The following DNAJC9 variants were observed in gnomAD, a reference collection of about 807,000 sequenced individuals.
DNAJC9 encodes dnaJ homolog subfamily C member 9.
DNAJC9 carries 18 observed loss-of-function variants against 32.4 expected under a neutral mutation model. The ratio of observed to expected loss-of-function variants is 0.56; its 90% CI spans 0.38 to 0.82. DNAJC9 has a LOEUF of 0.82. DNAJC9 is among the 40% of genes least tolerant of loss of function. DNAJC9 has a pLI of 0.00. For synonymous variants in DNAJC9, 113 were observed against 122.1 expected (o/e 0.93, Z 0.49); for missense variants, 310 against 321.8 (o/e 0.96, Z 0.28).
chr10:73,246,370 T>C (rs976453541), intron 2 of DNAJC9, among the ~76,000 whole-genome samples, 194 bp from the exon 3 acceptor site: 12 of 152,080 alleles, frequency 7.9e-5, no homozygotes, highest in Non-Finnish European at 1.8e-4. Flanking sequence ...AACTGCTAAC[T>C]AGGGACCAGG....
chr10:73,235,276 G>A, downstream of DNAJC9: 2 of 1,552,052 alleles, frequency 1.3e-6, no homozygotes, highest in Non-Finnish European at 1.7e-6. Context: ...GGCTCCTTTT[G>A]CCCGACTTTT....
chr10:73,246,793 T>G lies in DNAJC9; in HGVS notation c.216A>C (p.Arg72Ser). 6.2e-7 allele frequency: 1 copy of G among 1,614,164 alleles called. No homozygotes were observed. The highest frequency in any genetic ancestry group is 1.1e-5 in the South Asian group (1 of 91,088). ...GCTCATCGTACACTGCTCTCTGTTCTCTGTCACTGAGAACGGAATAGACTT... is the reference window on the plus strand; with the variant it reads ...GCTCATCGTACACTGCTCTCTGTTCGCTGTCACTGAGAACGGAATAGACTT... ...LGKVYSVLSD[R>S]EQRAVYDEQG... Residue 72 changes from arginine to serine, a missense_variant, in exon 2 of 5, where the codon AGA becomes AGC. Coordinates refer to ENST00000372950, the MANE Select transcript of DNAJC9 (RefSeq NM_015190.5).
At chr10:73,232,526 G>C (rs1211661816) in intron 2 of DNAJC9, among the ~76,000 whole-genome samples, 7 of 152,206 alleles carry the variant, frequency 4.6e-5, no homozygotes, top group African/African-American at 1.4e-4. Flanking sequence ...TTGTCTTTCA[G>C]TTGTCTTTCT....
chr10:73,244,244 C>A (rs1589204727), intron 3 of DNAJC9: 1 of 273,936 alleles, frequency 3.7e-6, no homozygotes, highest in East Asian at 9.8e-5. Context: ...AACTGTAATC[C>A]CCATACCTTG....
At chr10:73,245,700 A>G (rs1387538542) in intron 3 of DNAJC9, among the ~76,000 whole-genome samples, 1 of 152,224 alleles carries the variant, frequency 6.6e-6, no homozygotes, top group African/African-American at 2.4e-5. Context: ...TACTATGGTA[A>G]TATTTAAACA....
At chr10:73,239,328 G>A (rs774376072), downstream of DNAJC9, 34 of 1,551,498 alleles carry the variant, frequency 2.2e-5, no homozygotes, top group Admixed American at 7.8e-5. Context: ...ACACAGTATC[G>A]TCGCTCATGT....
chr10:73,243,673 G>C (rs374658313), intron 4 of DNAJC9, 154 bp from the exon 5 acceptor site: 6 of 1,152,662 alleles, frequency 5.2e-6, no homozygotes, highest in African/African-American at 3.1e-5. Flanking sequence ...GTTAATAATT[G>C]TAAAACTTTG....
At chr10:73,236,629 G>A (rs192350442), downstream of DNAJC9, among the ~76,000 whole-genome samples, 93 of 151,806 alleles carry the variant, frequency 6.1e-4, no homozygotes, top group African/African-American at 2.2e-3. Flanking sequence ...GGCCAGGCTG[G>A]TCTCGAACTC....
downstream of DNAJC9, chr10:73,239,232 G>C: frequency 8.4e-7 from 1 of 1,195,986 alleles, no homozygotes; most frequent in Non-Finnish European, 1.2e-6. Flanking sequence ...TTGATTTCAA[G>C]GTGTTCCTGT....
In DNAJC9 at chr10:73,243,204, C is replaced by T; in HGVS notation, c.*196G>A. On this transcript the variant is annotated 3_prime_UTR_variant, in exon 5 of 5. Coordinates refer to ENST00000372950, the MANE Select transcript of DNAJC9 (RefSeq NM_015190.5). ...CCAAGTTCCTTCAGGTGAGACCTCA[C>T]ACAATGTCAAGTGCTTTCTAGGAAA... is the stretch of plus-strand genomic sequence containing the variant. 6 of 589,086 alleles carry T rather than the reference C, an allele frequency of 1.0e-5. No individual in the cohort carries two copies. Among genetic ancestry groups the T allele is most frequent in the Non-Finnish European group, 1.8e-5 (6 of 342,390 alleles). 36.5% of individuals were successfully genotyped at this position (589,086 alleles called of 1,614,324 possible).
chr10:73,234,059 A>AC (rs2043768524), downstream of DNAJC9: 2 of 152,224 alleles, frequency 1.3e-5, no homozygotes, highest in Admixed American at 1.3e-4. Context: ...TTAAACATAG[A>AC]ATTCTTTTAG....
chr10:73,239,652 C>CTTTT (rs34824883), downstream of DNAJC9, among the ~76,000 whole-genome samples: 29 of 140,594 alleles, frequency 2.1e-4, no homozygotes, highest in African/African-American at 6.7e-4. Flanking sequence ...GGTAAACTGC[C>CTTTT]TTTTTTTTTT....
downstream of DNAJC9, chr10:73,234,794 G>C (rs539543745): frequency 6.5e-7 from 1 of 1,549,976 alleles, no homozygotes; most frequent in Non-Finnish European, 8.7e-7. Flanking sequence ...TCATACCTTC[G>C]TGTTTGTTGG....
chr10:73,235,552 TAA>T, downstream of DNAJC9: 1 of 893,630 alleles, frequency 1.1e-6, no homozygotes, highest in Non-Finnish European at 1.6e-6. Flanking sequence ...ATTTAACACT[TAA>T]GATATGTCTG....
chr10:73,241,445 T>C (rs1564721532), downstream of DNAJC9: 1 of 185,112 alleles, frequency 5.4e-6, no homozygotes, highest in Non-Finnish European at 1.1e-5. Flanking sequence ...TGGAGAGTTG[T>C]ACTCAGTTTT....
Position 73,242,146 on chromosome 10 carries a change from A to G in DNAJC9, c.*1254T>C, listed in dbSNP as rs1361202584. On this transcript the variant is annotated 3_prime_UTR_variant, in exon 5 of 5. Transcript: ENST00000372950. ...TGCTTCAAACAACCTGCATTAAATT[A>G]TATTTTTAATAAAATTAAAATCTAT... 6.6e-6 allele frequency: 1 copy of G among 152,208 alleles called. No individual in the cohort carries two copies. Among genetic ancestry groups the G allele is most frequent in the Non-Finnish European group, 1.5e-5 (1 of 68,030 alleles). 9.4% of individuals were successfully genotyped at this position (152,208 alleles called of 1,614,324 possible). A position where few individuals can be genotyped will look rare whatever the true frequency, so the allele number is the denominator to read the frequency against.
At chr10:73,235,156 G>C, downstream of DNAJC9, 1 of 1,548,638 alleles carries the variant, frequency 6.5e-7, no homozygotes, top group Non-Finnish European at 8.7e-7. Context: ...ATTACAGATA[G>C]TTTTCACTGT....
chr10:73,233,307 T>G (rs1338458878), intron 2 of DNAJC9: 5 of 638,328 alleles, frequency 7.8e-6, no homozygotes, highest in Non-Finnish European at 1.3e-5. Flanking sequence ...TGGGTTTAGA[T>G]CCAACACAAA....
Position 73,243,682 on chromosome 10 carries a change from T to G in DNAJC9, c.663+161A>C, listed in dbSNP as rs367712008. ...ATTGGTGTTAATAATTGTAAAACTT[T>G]GTAAATACACTTAAAACCACCAAAT... is the stretch of plus-strand genomic sequence containing the variant. On this transcript the variant is annotated intron_variant, in intron 4 of 4. Transcript: ENST00000372950. 1.0e-5 allele frequency: 12 copies of G among 1,153,804 alleles called. No individual in the cohort carries two copies. The South Asian group carries it at 1.4e-4, about 13-fold the overall frequency. 71.5% of individuals were successfully genotyped at this position (1,153,804 alleles called of 1,614,324 possible).
Sources: gnomAD v4.1 joint callset for allele counts (sites outside exome capture counted in the v4.1 genomes callset) on GRCh38, gnomAD v4.1.1 for gene constraint, MANE v1.5 for transcripts, NCBI Gene and HGNC (gene_info 2026-07-23, HGNC 2026-07-21) for gene names.